Variants in KANSL1 observed in about 807,000 individuals in gnomAD.
KANSL1 encodes the protein KAT8 regulatory NSL complex subunit 1.
A neutral mutation model predicts 103.6 loss-of-function variants in KANSL1; 22 were observed. The ratio of observed to expected loss-of-function variants is 0.21; its 90% CI spans 0.15 to 0.30. The LOEUF (loss-of-function observed/expected upper bound fraction) is 0.30. Ranked by LOEUF, KANSL1 falls within the 10% of genes least tolerant of loss-of-function variation. The pLI is 1.00. For synonymous variants in KANSL1, 600 were observed against 527.6 expected, an observed-to-expected ratio of 1.14 and a Z score of -1.88; for missense variants, 1,337 against 1,399.8, an observed-to-expected ratio of 0.96 and a Z score of 0.72.
At chr17:46,127,546 C>A (rs1223377656) in intron 2 of KANSL1, among the ~76,000 whole-genome samples, 1 of 152,164 alleles carries the variant, frequency 6.6e-6, no homozygotes, top group Non-Finnish European at 1.5e-5. Context: ...CCAAGGCGGA[C>A]AGATTGCTTT....
intron 7 of KANSL1, 199 bp from the exon 8 acceptor site, chr17:46,040,083 C>G (rs1049826273): frequency 6.4e-6 from 3 of 471,996 alleles, no homozygotes; most frequent in Non-Finnish European, 1.1e-5. Context: ...TAGCTTTTTA[C>G]TTTCAAGTCC....
At chr17:46,059,070 GA>G (rs199725437) in intron 6 of KANSL1, among the ~76,000 whole-genome samples, 86 of 140,710 alleles carry the variant, frequency 6.1e-4, no homozygotes, top group African/African-American at 1.5e-3. Flanking sequence ...AAGAAAGAAA[GA>G]AAAAAAAAAG....
chr17:46,120,715 A>G (rs1314710928), intron 2 of KANSL1, among the ~76,000 whole-genome samples: 1 of 152,186 alleles, frequency 6.6e-6, no homozygotes, highest in Non-Finnish European at 1.5e-5. Context: ...TCCTTTGCAC[A>G]TTTATTATAC....
intron 1 of KANSL1, among the ~76,000 whole-genome samples, chr17:46,173,606 A>T (rs866685761): frequency 3.9e-5 from 6 of 152,242 alleles, no homozygotes; most frequent in Non-Finnish European, 8.8e-5. Flanking sequence ...CAATACTAGA[A>T]TATTATCTGC....
At chr17:46,080,091 C>G (rs1223252515) in intron 4 of KANSL1, among the ~76,000 whole-genome samples, 1 of 151,764 alleles carries the variant, frequency 6.6e-6, no homozygotes, top group Non-Finnish European at 1.5e-5. Context: ...TTTGACAATT[C>G]TAAAGACGCT....
At chr17:46,209,709 T>G (rs1233776033) in intron 1 of KANSL1, among the ~76,000 whole-genome samples, 1 of 152,158 alleles carries the variant, frequency 6.6e-6, no homozygotes, top group Non-Finnish European at 1.5e-5. Flanking sequence ...ACCCAGGCTG[T>G]TCTCAAACTC....
At chr17:46,177,949 T>C (rs1440425739) in intron 1 of KANSL1, among the ~76,000 whole-genome samples, 1 of 152,138 alleles carries the variant, frequency 6.6e-6, no homozygotes, top group Non-Finnish European at 1.5e-5. Flanking sequence ...AGCTAGTTTT[T>C]TGTATTTTTA....
upstream of KANSL1, chr17:46,193,558 C>A (rs187270294): frequency 6.7e-6 from 1 of 149,798 alleles, no homozygotes; most frequent in East Asian, 2.0e-4. Context: ...GCCCGCCGCG[C>A]CGCCCCCGCG....
intron 1 of KANSL1, among the ~76,000 whole-genome samples, chr17:46,187,029 GC>G (rs1406671328): frequency 6.6e-6 from 1 of 152,178 alleles, no homozygotes; most frequent in African/African-American, 2.4e-5. Flanking sequence ...ACCACACCCA[GC>G]CCAGGCTGGT....
At chr17:46,103,823 C>T (rs1212469533) in intron 2 of KANSL1, among the ~76,000 whole-genome samples, 3 of 152,144 alleles carry the variant, frequency 2.0e-5, no homozygotes, top group African/African-American at 7.2e-5. Flanking sequence ...ATCAGGAGTT[C>T]AAGACCAGCC....
chr17:46,085,466 ATTAT>A (rs1316452284), intron 3 of KANSL1, among the ~76,000 whole-genome samples: 2 of 152,102 alleles, frequency 1.3e-5, no homozygotes, highest in Non-Finnish European at 2.9e-5. Context: ...CTTATGCCAC[ATTAT>A]TTATTTCACT....
intron 1 of KANSL1, chr17:46,192,273 CACTT>C (rs2047371649): frequency 6.6e-6 from 1 of 151,730 alleles, no homozygotes; most frequent in Non-Finnish European, 1.5e-5. Flanking sequence ...GATTCCAACT[CACTT>C]AAAAGCAAAT....
intron 1 of KANSL1, among the ~76,000 whole-genome samples, chr17:46,202,795 A>G (rs2047846451): frequency 6.6e-6 from 1 of 152,244 alleles, no homozygotes; most frequent in African/African-American, 2.4e-5. Context: ...AATATTCAAT[A>G]TTTTCCACCA....
intron 10 of KANSL1, chr17:46,035,477 C>T (rs2146333332): frequency 6.6e-6 from 1 of 152,318 alleles, no homozygotes; most frequent in Admixed American, 6.5e-5. Flanking sequence ...CTTCAGATGA[C>T]CACAATGCCC....
chr17:46,136,284 C>T (rs549463686), intron 2 of KANSL1, among the ~76,000 whole-genome samples: 1 of 152,204 alleles, frequency 6.6e-6, no homozygotes, highest in East Asian at 1.9e-4. Flanking sequence ...GGTTGATGTA[C>T]CTTCCTTGAT....
At chr17:46,181,133 C>T (rs945524404) in intron 1 of KANSL1, among the ~76,000 whole-genome samples, 5 of 152,180 alleles carry the variant, frequency 3.3e-5, no homozygotes, top group Non-Finnish European at 5.9e-5. Context: ...GTGAAGGGGC[C>T]AGTCTAACAA....
chr17:46,150,533 A>C (rs1211083525), intron 2 of KANSL1, among the ~76,000 whole-genome samples: 1 of 152,264 alleles, frequency 6.6e-6, no homozygotes, highest in African/African-American at 2.4e-5. Flanking sequence ...GAGATAAAAA[A>C]ACAGGTATTA....
rs532546483 is a variant in KANSL1, at chr17:46,050,371, G to A, written c.2020+162C>T. ...TTTAGTGGCACCTTCTGGTTTGGTGGATCTGTTACAGTCTTTTTGCAAAAT... is the reference window on the plus strand; with the variant it reads ...TTTAGTGGCACCTTCTGGTTTGGTGAATCTGTTACAGTCTTTTTGCAAAAT... On this transcript the variant is annotated intron_variant, in intron 7 of 14. Transcript: ENST00000432791. The A allele has an allele frequency of 4.1e-5, 26 of 635,308 alleles. No homozygotes were observed. The East Asian group carries it at 7.2e-4, about 17-fold the overall frequency. The allele number at this position is 635,308 out of a possible 1,614,324, so 39.4% of individuals were successfully genotyped here.
upstream of KANSL1, among the ~76,000 whole-genome samples, chr17:46,195,588 G>T (rs1388737625): frequency 3.3e-5 from 5 of 152,052 alleles, no homozygotes; most frequent in African/African-American, 1.2e-4. Context: ...TTTTTGACAG[G>T]GTCCTGCTCG....
Sources: gnomAD v4.1 joint callset for allele counts (sites outside exome capture counted in the v4.1 genomes callset) on GRCh38, gnomAD v4.1.1 for gene constraint, MANE v1.5 for transcripts, NCBI Gene and HGNC (gene_info 2026-07-23, HGNC 2026-07-21) for gene names.